DGKB: variants seen among roughly 807,000 people sequenced by gnomAD.
DGKB encodes 90 kDa diacylglycerol kinase.
A neutral mutation model predicts 114.3 loss-of-function variants in DGKB; 67 were observed. That is an observed-to-expected ratio of 0.59 (90% confidence interval 0.48 to 0.72). The LOEUF (loss-of-function observed/expected upper bound fraction) is 0.72. Among genes scored for constraint, DGKB ranks in the 30% least tolerant of loss-of-function variants. The pLI, the probability that DGKB is intolerant of heterozygous loss-of-function variation, is 0.00. For missense variants in DGKB, 907 were observed against 975.2 expected, an observed-to-expected ratio of 0.93 and a Z score of 0.93; for synonymous variants, 398 against 323.1, an observed-to-expected ratio of 1.23 and a Z score of -2.49.
At chr7:14,686,718 C>T (rs1274188753) in intron 9 of DGKB, among the ~76,000 whole-genome samples, 1 of 152,002 alleles carries the variant, frequency 6.6e-6, no homozygotes, top group Non-Finnish European at 1.5e-5. Context: ...CTAATTCTTA[C>T]ATTAGAACCA....
Position 14,945,112 on chromosome 7 carries a change from G to C in DGKB, c.-188+29584C>G, listed in dbSNP as rs151248997. On this transcript the variant is annotated intron_variant, in intron 1 of 4. Coordinates refer to the DGKB transcript ENST00000437998. ...CCTAAATATTCACATCAGAAGAACG[G>C]AAAAATAAATTGCGGTATAATTCAC... Among the ~76,000 whole-genome samples, 651 of 151,608 alleles carry C rather than the reference G, an allele frequency of 4.3e-3. 6 individuals carry two copies. The highest frequency in any genetic ancestry group is 0.015 in the African/African-American group (603 of 41,430).
chr7:14,735,298 T>C (rs1264500383), intron 5 of DGKB, among the ~76,000 whole-genome samples: 1 of 152,058 alleles, frequency 6.6e-6, no homozygotes, highest in East Asian at 1.9e-4. Context: ...CACCTCAGAA[T>C]TTCATCCTAG....
chr7:14,749,303 T>C (rs780747960), intron 4 of DGKB, among the ~76,000 whole-genome samples: 32 of 152,170 alleles, frequency 2.1e-4, no homozygotes, highest in Admixed American at 5.2e-4. Context: ...ATATAGATAG[T>C]TCCTTTGAAG....
intron 14 of DGKB, among the ~76,000 whole-genome samples, chr7:14,622,138 A>G (rs1160296054): frequency 1.3e-5 from 2 of 152,116 alleles, no homozygotes; most frequent in Non-Finnish European, 2.9e-5. Context: ...TGACCGTCTC[A>G]GTTTCACATC....
At chr7:14,937,908 C>A (rs1785361080) in intron 1 of DGKB, among the ~76,000 whole-genome samples, 1 of 152,162 alleles carries the variant, frequency 6.6e-6, no homozygotes, top group Admixed American at 6.6e-5. Flanking sequence ...AACATTTTCT[C>A]TTCTCTAGCT....
At chr7:14,651,079 C>T (rs905389607) in intron 13 of DGKB, among the ~76,000 whole-genome samples, 36 of 152,162 alleles carry the variant, frequency 2.4e-4, no homozygotes, top group African/African-American at 7.7e-4. Context: ...CAAGGAGGAG[C>T]TGGTACCATT....
intron 1 of DGKB, among the ~76,000 whole-genome samples, chr7:14,849,448 C>G (rs898358383): frequency 2.0e-5 from 3 of 152,082 alleles, no homozygotes; most frequent in Non-Finnish European, 4.4e-5. Flanking sequence ...GTTCAGCCTC[C>G]TTTGCCCCTT....
intron 23 of DGKB, among the ~76,000 whole-genome samples, chr7:14,262,928 T>G (rs974048643): frequency 6.6e-6 from 1 of 151,652 alleles, no homozygotes. Context: ...AGAGGTAGCT[T>G]GGGCCACAAT....
chr7:14,667,110 A>T (rs899026889), intron 13 of DGKB, among the ~76,000 whole-genome samples: 1 of 152,008 alleles, frequency 6.6e-6, no homozygotes, highest in South Asian at 2.1e-4. Flanking sequence ...TGCAGAGGAG[A>T]TGCTTACCTT....
At chr7:14,308,088 G>A (rs934815084) in intron 23 of DGKB, among the ~76,000 whole-genome samples, 2 of 152,020 alleles carry the variant, frequency 1.3e-5, no homozygotes, top group African/African-American at 2.4e-5. Context: ...CTGTTTTAGA[G>A]ATAATTGCTT....
At chr7:14,684,574 C>G (rs1291134979) in intron 10 of DGKB, among the ~76,000 whole-genome samples, 2 of 152,026 alleles carry the variant, frequency 1.3e-5, no homozygotes, top group African/African-American at 4.8e-5. Flanking sequence ...GTTATATACA[C>G]TATAAGAACA....
At chr7:14,681,860 C>T (rs1328691404) in intron 12 of DGKB, among the ~76,000 whole-genome samples, 1 of 152,048 alleles carries the variant, frequency 6.6e-6, no homozygotes, top group Admixed American at 6.6e-5. Context: ...TCTCTTCTTA[C>T]TTAATTGTGA....
At position 14,419,248 on chromosome 7, in the gene DGKB, A is replaced by G. The variant is rs181354823; in HGVS notation, c.1835+58913T>C. On this transcript the variant is annotated intron_variant, in intron 21 of 25. Transcript: ENST00000402815. ...AAGAAAAGGAGTGAGAAAGTAATTG[A>G]GTGAATTCAACTGTTAATATGATAT... 6.1e-3 allele frequency among the ~76,000 whole-genome samples: 924 copies of G among 152,138 alleles called. 1 individual carries two copies. Among genetic ancestry groups the G allele is most frequent in the Non-Finnish European group, 0.011 (715 of 67,932 alleles).
chr7:14,383,154 T>G (rs1265542171), intron 21 of DGKB, among the ~76,000 whole-genome samples: 1 of 152,198 alleles, frequency 6.6e-6, no homozygotes, highest in East Asian at 1.9e-4. Flanking sequence ...TAGTATCTCC[T>G]GTTTATAATG....
chr7:14,572,135 A>C (rs1798474677), intron 20 of DGKB, among the ~76,000 whole-genome samples: 1 of 152,122 alleles, frequency 6.6e-6, no homozygotes, highest in South Asian at 2.1e-4. Flanking sequence ...ATATGTCAAA[A>C]GAATGAAAAG....
chr7:14,270,735 G>A (rs1798153088), intron 23 of DGKB, among the ~76,000 whole-genome samples: 2 of 152,194 alleles, frequency 1.3e-5, no homozygotes, highest in South Asian at 2.1e-4. Context: ...TTACTAAATA[G>A]ATGTCCTGAA....
intron 21 of DGKB, among the ~76,000 whole-genome samples, chr7:14,370,365 C>T (rs1817434331): frequency 6.6e-6 from 1 of 152,128 alleles, no homozygotes; most frequent in South Asian, 2.1e-4. Context: ...AGTGTGATGC[C>T]TCTAGCTTTG....
chr7:14,168,391 A>G (rs560783584), intron 25 of DGKB, among the ~76,000 whole-genome samples: 136 of 152,230 alleles, frequency 8.9e-4, no homozygotes, highest in Middle Eastern at 6.8e-3. Context: ...GTAGAAGTCA[A>G]TATTTGAAGA....
chr7:14,327,270 A>G (rs1808909401), intron 23 of DGKB, among the ~76,000 whole-genome samples: 1 of 152,152 alleles, frequency 6.6e-6, no homozygotes, highest in Non-Finnish European at 1.5e-5. Context: ...AAGATAACAT[A>G]TATAAAATAT....
Sources: allele counts gnomAD v4.1 joint callset (sites outside exome capture counted in the v4.1 genomes callset), GRCh38; gene constraint gnomAD v4.1.1; transcripts MANE v1.5; gene names NCBI Gene and HGNC (gene_info 2026-07-23, HGNC 2026-07-21).